Variants in ANKS1B observed in about 807,000 individuals in gnomAD.
The protein encoded by ANKS1B is ankyrin repeat and sterile alpha motif domain containing 1B.
In ANKS1B, 36 loss-of-function variants were observed where a neutral mutation model predicts 148.3. The ratio of observed to expected loss-of-function variants is 0.24; its 90% CI spans 0.19 to 0.32. The LOEUF (loss-of-function observed/expected upper bound fraction) is 0.32, where lower values mean the gene tolerates loss of function less well. Ranked by LOEUF, ANKS1B falls within the 10% of genes least tolerant of loss-of-function variation. The probability of loss-of-function intolerance (pLI) is 1.00; values close to 1 mark genes in which losing one functional copy is unlikely to be tolerated. For synonymous variants in ANKS1B, 542 were observed against 560.8 expected (o/e 0.97, Z 0.47); for missense variants, 1,157 against 1,542.6 (o/e 0.75, Z 4.19).
At chr12:99,032,202 AC>A (rs2099952647) in intron 17 of ANKS1B, among the ~76,000 whole-genome samples, 1 of 152,192 alleles carries the variant, frequency 6.6e-6, no homozygotes, top group African/African-American at 2.4e-5. Flanking sequence ...TTTAACAAAT[AC>A]TAGGTTATAA....
chr12:99,631,476 T>C (rs1301583403), intron 9 of ANKS1B, among the ~76,000 whole-genome samples: 1 of 152,114 alleles, frequency 6.6e-6, no homozygotes, highest in Non-Finnish European at 1.5e-5. Flanking sequence ...TAGGGAAAGT[T>C]TGGAAGTCCT....
intron 14 of ANKS1B, among the ~76,000 whole-genome samples, chr12:99,163,980 A>C (rs2076956710): frequency 6.6e-6 from 1 of 152,160 alleles, no homozygotes; most frequent in Non-Finnish European, 1.5e-5. Flanking sequence ...TCATTCTGAT[A>C]GGTATGTACT....
At chr12:99,528,655 T>A (rs1432034364) in intron 9 of ANKS1B, among the ~76,000 whole-genome samples, 1 of 152,162 alleles carries the variant, frequency 6.6e-6, no homozygotes, top group Non-Finnish European at 1.5e-5. Context: ...CATAAAGCAC[T>A]TAGTCTAGTG....
At chr12:99,651,519 T>C (rs1418251766) in intron 9 of ANKS1B, among the ~76,000 whole-genome samples, 3 of 152,336 alleles carry the variant, frequency 2.0e-5, no homozygotes, top group Admixed American at 6.5e-5. Flanking sequence ...TACCACATTG[T>C]AGTCCCTTGA....
At chr12:99,855,146 G>A (rs1844167) in intron 1 of ANKS1B, among the ~76,000 whole-genome samples, 94,022 of 151,898 alleles carry the variant, frequency 0.62, 30,646 homozygotes, top group African/African-American at 0.77. Context: ...AGTATCTGCT[G>A]TCTTCAAGAG....
At chr12:99,331,564 C>G (rs577830312) in intron 12 of ANKS1B, among the ~76,000 whole-genome samples, 1 of 151,878 alleles carries the variant, frequency 6.6e-6, no homozygotes, top group South Asian at 2.1e-4. Context: ...GAAAGTGGGG[C>G]GGGGAGAGCA....
chr12:99,393,150 C>T (rs1417819115), intron 12 of ANKS1B, among the ~76,000 whole-genome samples: 2 of 143,420 alleles, frequency 1.4e-5, no homozygotes, highest in Non-Finnish European at 3.0e-5. Context: ...CTACCTTTAA[C>T]ATAGATCCAG....
intron 8 of ANKS1B, among the ~76,000 whole-genome samples, chr12:99,689,773 A>G (rs901070200): frequency 2.6e-5 from 4 of 152,204 alleles, no homozygotes; most frequent in African/African-American, 7.2e-5. Context: ...ACAAGACAAT[A>G]GAGGCCTCAG....
Position 99,922,632 on chromosome 12 carries a change from T to G in ANKS1B, c.134+61472A>C, listed in dbSNP as rs534418311. On this transcript the variant is annotated intron_variant, in intron 1 of 26. Transcript: ENST00000683438. The stretch of plus-strand genomic sequence containing the variant: ...TATCCTTAAGGGCTCAGGGTGAGTA[T>G]ACAGGCAATACACAATTATGTTATG... 2.0e-5 allele frequency among the ~76,000 whole-genome samples: 3 copies of G among 152,220 alleles called. No homozygotes were observed. In the South Asian group the frequency reaches 6.2e-4, roughly 32 times the overall value.
At chr12:99,509,790 C>A (rs1567237510) in intron 9 of ANKS1B, among the ~76,000 whole-genome samples, 1 of 151,878 alleles carries the variant, frequency 6.6e-6, no homozygotes, top group Non-Finnish European at 1.5e-5. Context: ...AGCCTCATAC[C>A]AGAAGATGTC....
At chr12:98,854,641 G>A (rs972972682) in intron 17 of ANKS1B, among the ~76,000 whole-genome samples, 7 of 152,138 alleles carry the variant, frequency 4.6e-5, no homozygotes, top group Admixed American at 2.6e-4. Flanking sequence ...TTTTTGCAAT[G>A]TCATTTCTTA....
chr12:99,512,496 T>C (rs1238814227), intron 9 of ANKS1B, among the ~76,000 whole-genome samples: 2 of 152,234 alleles, frequency 1.3e-5, no homozygotes, highest in South Asian at 2.1e-4. Flanking sequence ...GGTGTGGTGA[T>C]TCCTCAAAGA....
intron 9 of ANKS1B, among the ~76,000 whole-genome samples, chr12:99,617,352 A>T (rs952303314): frequency 7.9e-5 from 12 of 152,190 alleles, no homozygotes; most frequent in Admixed American, 7.9e-4. Flanking sequence ...TGTTTATTGT[A>T]GCACTATTTA....
chr12:99,124,195 G>C (rs1243921571), intron 15 of ANKS1B, among the ~76,000 whole-genome samples: 1 of 152,170 alleles, frequency 6.6e-6, no homozygotes, highest in Non-Finnish European at 1.5e-5. Context: ...GGATCTGTTA[G>C]GAGGTTATTG....
At chr12:99,676,979 A>G (rs760866985) in intron 8 of ANKS1B, among the ~76,000 whole-genome samples, 53 of 152,252 alleles carry the variant, frequency 3.5e-4, no homozygotes, top group Non-Finnish European at 5.9e-4. Context: ...GGAAGAGTTG[A>G]GGTATATATC....
chr12:99,142,057 C>T (rs73373835), intron 15 of ANKS1B, among the ~76,000 whole-genome samples: 2,563 of 151,996 alleles, frequency 0.017, 78 homozygotes, highest in African/African-American at 0.059. Context: ...TGTTGAGTAT[C>T]GGTGAAGTAA....
intron 17 of ANKS1B, among the ~76,000 whole-genome samples, chr12:98,935,795 C>A (rs779714061): frequency 3.4e-4 from 51 of 152,122 alleles, no homozygotes; most frequent in Admixed American, 6.6e-5. Flanking sequence ...TGGGTCTCTA[C>A]CAATTAACTT....
At chr12:99,126,037 AAC>A (rs1169632767) in intron 15 of ANKS1B, among the ~76,000 whole-genome samples, 1 of 152,194 alleles carries the variant, frequency 6.6e-6, no homozygotes, top group African/African-American at 2.4e-5. Context: ...AAACCCCCAA[AAC>A]ACAGAGTTCT....
chr12:99,915,654 A>T (rs1362475716), intron 1 of ANKS1B, among the ~76,000 whole-genome samples: 1 of 152,198 alleles, frequency 6.6e-6, no homozygotes, highest in Non-Finnish European at 1.5e-5. Flanking sequence ...GGTCTGTGGC[A>T]ATGGTTGATA....
Sources: gnomAD v4.1 joint callset for allele counts (sites outside exome capture counted in the v4.1 genomes callset) on GRCh38, gnomAD v4.1.1 for gene constraint, MANE v1.5 for transcripts, NCBI Gene and HGNC (gene_info 2026-07-23, HGNC 2026-07-21) for gene names.